The following CEBPZ variants were observed in gnomAD, a reference collection of about 807,000 sequenced individuals.
CEBPZ encodes CCAAT/enhancer-binding protein zeta.
Under a neutral mutation model 104.5 loss-of-function variants are expected in CEBPZ, and 78 were observed. The ratio of observed to expected loss-of-function variants is 0.75; its 90% CI spans 0.62 to 0.90. The LOEUF (loss-of-function observed/expected upper bound fraction) is 0.90. Ranked by LOEUF, CEBPZ falls within the 40% of genes least tolerant of loss-of-function variation. The pLI, the probability that CEBPZ is intolerant of heterozygous loss-of-function variation, is 0.00. For missense variants in CEBPZ, 1,439 were observed against 1,233.5 expected (o/e 1.17, Z -2.50); for synonymous variants, 470 against 427.0 (o/e 1.10, Z -1.24).
At chr2:37,205,028 CTAATA>C (rs1211341298) in intron 13 of CEBPZ, among the ~76,000 whole-genome samples, 1 of 152,126 alleles carries the variant, frequency 6.6e-6, no homozygotes, top group Non-Finnish European at 1.5e-5. Flanking sequence ...TCATCTTATG[CTAATA>C]CTAAAACATG....
intron 1 of CEBPZ, among the ~76,000 whole-genome samples, chr2:37,229,821 A>G (rs998898727): frequency 3.3e-5 from 5 of 152,000 alleles, no homozygotes; most frequent in Admixed American, 6.6e-5. Flanking sequence ...TGATCCTCCA[A>G]CCTCAGCCTG....
At position 37,211,864 on chromosome 2, in the gene CEBPZ, C is replaced by G. The variant is rs1486782063; in HGVS notation, c.2779G>C (p.Asp927His). 1.2e-6 allele frequency: 2 copies of G among 1,603,370 alleles called. No individual in the cohort carries two copies. Among genetic ancestry groups the G allele is most frequent in the South Asian group, 2.3e-5 (2 of 88,742 alleles). Residue 927 changes from aspartate (D) to histidine (H), a missense_variant, in exon 12 of 16, where the codon GAT (aspartate) becomes CAT (histidine). By Grantham distance (81) the Asp-to-His change is moderately conservative. Coordinates refer to ENST00000234170, the MANE Select transcript of CEBPZ (RefSeq NM_005760.3). ...TTACCTGGAACGCTCTCACTTTCAT[C>G]ATCTAACACATCCATGAATGTTCCT... ...DGGTFMDVLD[D>H]ESESVPELEV...
intron 10 of CEBPZ, chr2:37,212,684 C>T (rs1459486095): frequency 4.8e-6 from 2 of 417,004 alleles, no homozygotes; most frequent in Admixed American, 4.2e-5. Flanking sequence ...TAGCAATTGT[C>T]GTCCTTTTTA....
rs376767761 is a variant in CEBPZ, at chr2:37,214,901, T to A, written c.2432A>T (p.Glu811Val). The A allele has an allele frequency of 6.2e-7, 1 of 1,609,014 alleles. No homozygotes were observed. Among genetic ancestry groups the A allele is most frequent in the Admixed American group, 1.7e-5 (1 of 59,956 alleles). ...AKEESQIPVD[E>V]VFFHRYYKKV... Reference sequence around the variant, plus strand: ...TGTATAGTACCTGTGGAAAAACACTTCATCCACTGGTATTTGGCTTTCTTC... The same window carrying A: ...TGTATAGTACCTGTGGAAAAACACTACATCCACTGGTATTTGGCTTTCTTC... The change falls in exon 9 of 16, where the codon GAA (glutamate) becomes GTA (valine). Residue 811 changes from glutamate (E) to valine (V), a missense_variant. Glu to Val is a moderately radical substitution (Grantham distance 121). Coordinates refer to ENST00000234170, the MANE Select transcript of CEBPZ (RefSeq NM_005760.3).
chr2:37,216,228 C>T lies in CEBPZ; in HGVS notation c.2312-20G>A. On this transcript the variant is annotated intron_variant, in intron 7 of 15. Transcript: ENST00000234170. ...TGTTTTCTGAAATGTAAAATTATGA[C>T]AGTATAATGCAAAACCTAGTTATAA... 6.2e-7 allele frequency: 1 copy of T among 1,608,698 alleles called. No homozygotes were observed. The highest frequency in any genetic ancestry group is 2.2e-5 in the East Asian group (1 of 44,782).
intron 8 of CEBPZ, 142 bp downstream of exon 8, chr2:37,215,998 T>A: frequency 3.9e-5 from 19 of 492,212 alleles, no homozygotes; most frequent in Non-Finnish European, 5.2e-5. Context: ...GATTTAAGAA[T>A]ACCTATTCTT....
intron 2 of CEBPZ, among the ~76,000 whole-genome samples, chr2:37,224,846 A>G (rs1664846141): frequency 6.6e-6 from 1 of 152,266 alleles, no homozygotes; most frequent in Non-Finnish European, 1.5e-5. Context: ...AGGCCTGTTA[A>G]GAAACTCCAT....
chr2:37,217,825 C>T (rs966976504), intron 5 of CEBPZ, among the ~76,000 whole-genome samples: 3 of 148,816 alleles, frequency 2.0e-5, no homozygotes, highest in Non-Finnish European at 4.4e-5. Flanking sequence ...TGGTGTGAAC[C>T]TGGGAGGCGG....
At chr2:37,220,134 T>C (rs1203040951) in intron 5 of CEBPZ, among the ~76,000 whole-genome samples, 1 of 151,664 alleles carries the variant, frequency 6.6e-6, no homozygotes, top group African/African-American at 2.4e-5. Context: ...CTGGCCAACA[T>C]GGTGAAACCC....
rs138108289 is a variant in CEBPZ, at chr2:37,226,362, C to T, written c.1649+1182G>A. Among the ~76,000 whole-genome samples, 299 of 152,298 alleles carry T rather than the reference C, an allele frequency of 2.0e-3. 1 individual carries two copies. Among genetic ancestry groups the T allele is most frequent in the South Asian group, 0.018 (86 of 4,816 alleles). On this transcript the variant is annotated intron_variant, in intron 2 of 15. Transcript: ENST00000234170. ...TATCAGTAATAAGGATAGCCGCCAA[C>T]ATTTCACATAGCACTAAGTGTTAGG...
chr2:37,204,054 T>G (rs1677419611), intron 13 of CEBPZ: 1 of 152,156 alleles, frequency 6.6e-6, no homozygotes, highest in Non-Finnish European at 1.5e-5. Flanking sequence ...CATTTCATCT[T>G]GATTTTTATT....
Position 37,211,863 on chromosome 2 carries a change from T to A in CEBPZ, c.2780A>T (p.Asp927Val). Residue 927 changes from aspartate to valine, a missense_variant, in exon 12 of 16, where the codon GAT becomes GTT. By Grantham distance (152) the Asp-to-Val change is radical (BLOSUM62 -3). Transcript: ENST00000234170. ...CTTACCTGGAACGCTCTCACTTTCA[T>A]CATCTAACACATCCATGAATGTTCC... ...DGGTFMDVLD[D>V]ESESVPELEV... is the part of the protein sequence containing the mutation. 1 of 1,603,000 alleles carries A rather than the reference T, an allele frequency of 6.2e-7. No individual in the cohort carries two copies. Among genetic ancestry groups the A allele is most frequent in the Non-Finnish European group, 8.5e-7 (1 of 1,176,366 alleles).
chr2:37,213,245 A>C (rs1374253336), intron 10 of CEBPZ, among the ~76,000 whole-genome samples: 1 of 152,236 alleles, frequency 6.6e-6, no homozygotes, highest in African/African-American at 2.4e-5. Context: ...ACTATAATAG[A>C]TTATGAATAG....
intron 3 of CEBPZ, 45 bp from the exon 4 acceptor site, chr2:37,222,608 G>A (rs1664799638): frequency 7.1e-7 from 1 of 1,408,832 alleles, no homozygotes; most frequent in Non-Finnish European, 9.6e-7. Flanking sequence ...TCAACTGGAA[G>A]TTGCAATAAA....
intron 2 of CEBPZ, among the ~76,000 whole-genome samples, chr2:37,226,414 A>G (rs985617356): frequency 3.3e-5 from 5 of 152,204 alleles, no homozygotes; most frequent in Non-Finnish European, 7.3e-5. Context: ...ATATACATAG[A>G]AAGATTACAT....
rs755628202 is a variant in CEBPZ, at chr2:37,231,485, T to G, written c.83A>C (p.Glu28Ala). ...GGCTTCACTAGTATTATCCTCATCC[T>G]CCTCGTCCGGATCTTCTACTGCCTC... ...PEEAVEDPDEEDEDNTSEAEN... is the reference protein window; with the variant it reads ...PEEAVEDPDEADEDNTSEAEN... The change falls in exon 1 of 16, where the codon GAG becomes GCG. Residue 28 changes from glutamate (E) to alanine (A), a missense_variant. Glu to Ala is a moderately radical substitution (Grantham distance 107, BLOSUM62 -1). Coordinates refer to ENST00000234170, the MANE Select transcript of CEBPZ (RefSeq NM_005760.3). 87 of 1,614,182 alleles carry G rather than the reference T, an allele frequency of 5.4e-5. No individual in the cohort carries two copies. The East Asian group carries it at 1.6e-3, about 29-fold the overall frequency.
chr2:37,205,837 T>C (rs1408966316), intron 13 of CEBPZ, among the ~76,000 whole-genome samples: 1 of 152,204 alleles, frequency 6.6e-6, no homozygotes, highest in Non-Finnish European at 1.5e-5. Context: ...TGAAGCAGAA[T>C]CTTGTAAGAT....
Position 37,228,194 on chromosome 2 carries a change from C to A in CEBPZ, c.999G>T (p.Trp333Cys). 1 of 1,614,214 alleles carries A rather than the reference C, an allele frequency of 6.2e-7. No homozygotes were observed. The highest frequency in any genetic ancestry group is 8.5e-7 in the Non-Finnish European group (1 of 1,180,046). ...KDSRDRRLIL[W>C]YFEHQLKHLV... The stretch of plus-strand genomic sequence containing the variant: ...AGTGTTTCAGCTGGTGTTCAAAATA[C>A]CATAATATCAGTCTTCTATCTCTTG... The change falls in exon 2 of 16, where the codon TGG becomes TGT. Residue 333 changes from tryptophan (W) to cysteine (C), a missense_variant. Transcript: ENST00000234170.
intron 4 of CEBPZ, 140 bp downstream of exon 4, chr2:37,222,240 C>G (rs779255791): frequency 3.1e-6 from 2 of 639,486 alleles, no homozygotes; most frequent in Non-Finnish European, 4.8e-6. Flanking sequence ...GCCGAGATCA[C>G]GCCTCTGCAT....
Sources: gnomAD v4.1 joint callset for allele counts (sites outside exome capture counted in the v4.1 genomes callset) on GRCh38, gnomAD v4.1.1 for gene constraint, MANE v1.5 for transcripts, NCBI Gene and HGNC (gene_info 2026-07-23, HGNC 2026-07-21) for gene names.